TAFA4: variants seen among roughly 807,000 people sequenced by gnomAD.
TAFA4 encodes the protein TAFA chemokine like family member 4.
Under a neutral mutation model 21.1 loss-of-function variants are expected in TAFA4, and 20 were observed. The observed-to-expected ratio is 0.95, with a 90% CI of 0.67 to 1.38. The LOEUF (loss-of-function observed/expected upper bound fraction) is 1.38. Among genes scored for constraint, TAFA4 ranks in the 40% most tolerant of loss-of-function variants. TAFA4 has a pLI of 0.00. For missense variants in TAFA4, 211 were observed against 180.9 expected, an observed-to-expected ratio of 1.17 and a Z score of -0.95; for synonymous variants, 71 against 67.4, an observed-to-expected ratio of 1.05 and a Z score of -0.26.
chr3:68,915,875 A>G (rs1028518428), intron 1 of TAFA4, among the ~76,000 whole-genome samples: 3 of 152,240 alleles, frequency 2.0e-5, no homozygotes, highest in African/African-American at 7.2e-5. Context: ...GAAGTGAAGA[A>G]AAATTTATAA....
chr3:68,858,296 A>G (rs575899958), intron 3 of TAFA4, among the ~76,000 whole-genome samples: 1 of 152,092 alleles, frequency 6.6e-6, no homozygotes, highest in Non-Finnish European at 1.5e-5. Context: ...GCTATGAAAA[A>G]CATCAAGAAC....
chr3:68,861,434 A>G (rs563346783), intron 3 of TAFA4, among the ~76,000 whole-genome samples: 2 of 152,052 alleles, frequency 1.3e-5, no homozygotes, highest in Non-Finnish European at 2.9e-5. Flanking sequence ...TTCGTTTTTT[A>G]ATCTTCTTTT....
chr3:68,822,774 T>C (rs1235409275), intron 3 of TAFA4, among the ~76,000 whole-genome samples: 2 of 152,190 alleles, frequency 1.3e-5, no homozygotes, highest in Admixed American at 1.3e-4. Context: ...GCCTGGCTGC[T>C]AAAATTCTTA....
At position 68,854,609 on chromosome 3, in the gene TAFA4, T is replaced by A. The variant is rs1400318476; in HGVS notation, c.130+26121A>T. ...AAGAACAAATATATGGTTAAAGCCTTACCAATTGGATGAGTGGCCTTAGCC... is the reference window on the plus strand; with the variant it reads ...AAGAACAAATATATGGTTAAAGCCTAACCAATTGGATGAGTGGCCTTAGCC... On this transcript the variant is annotated intron_variant, in intron 3 of 5. Coordinates refer to ENST00000295569, the MANE Select transcript of TAFA4 (RefSeq NM_182522.5). Among the ~76,000 whole-genome samples the A allele has an allele frequency of 2.0e-5, 3 of 152,122 alleles. No homozygotes were observed. The East Asian group carries it at 5.8e-4, about 29-fold the overall frequency.
intron 1 of TAFA4, among the ~76,000 whole-genome samples, chr3:68,886,407 TTTA>T (rs1292180351): frequency 5.9e-5 from 9 of 152,224 alleles, no homozygotes; most frequent in Admixed American, 5.9e-4. Flanking sequence ...ATCCTCCAAC[TTTA>T]TTAAGTGTGT....
intron 1 of TAFA4, among the ~76,000 whole-genome samples, chr3:68,910,904 T>G (rs1262145722): frequency 6.6e-6 from 1 of 152,250 alleles, no homozygotes; most frequent in African/African-American, 2.4e-5. Flanking sequence ...CAATGCTTGG[T>G]ACTTAATTAA....
intron 3 of TAFA4, among the ~76,000 whole-genome samples, chr3:68,853,422 A>G (rs1704995620): frequency 6.6e-6 from 1 of 152,102 alleles, no homozygotes; most frequent in Admixed American, 6.6e-5. Context: ...TTTCCCCGAA[A>G]TGCCTACCTT....
chr3:68,855,069 A>T (rs1205636702), intron 3 of TAFA4, among the ~76,000 whole-genome samples: 1 of 152,186 alleles, frequency 6.6e-6, no homozygotes, highest in African/African-American at 2.4e-5. Context: ...ATAAGTAACA[A>T]ATGACTGTAT....
intron 4 of TAFA4, among the ~76,000 whole-genome samples, chr3:68,748,743 CAAA>C (rs780362480): frequency 5.0e-5 from 3 of 60,018 alleles, no homozygotes; most frequent in Non-Finnish European, 3.6e-5. Context: ...GACTCCGTCT[CAAA>C]AAAAAAAAAA....
intron 1 of TAFA4, among the ~76,000 whole-genome samples, chr3:68,899,319 A>T (rs1039861328): frequency 2.0e-5 from 3 of 152,196 alleles, no homozygotes; most frequent in African/African-American, 7.2e-5. Flanking sequence ...TAAATAAAAT[A>T]TAATATGAAA....
chr3:68,913,199 T>C (rs1016246040), intron 1 of TAFA4, among the ~76,000 whole-genome samples: 1 of 152,252 alleles, frequency 6.6e-6, no homozygotes, highest in African/African-American at 2.4e-5. Context: ...GTCAAAACAC[T>C]GTGCTGTGTG....
At chr3:68,828,152 T>C (rs1315790509) in intron 3 of TAFA4, among the ~76,000 whole-genome samples, 1 of 152,206 alleles carries the variant, frequency 6.6e-6, no homozygotes, top group Non-Finnish European at 1.5e-5. Flanking sequence ...CCATTTCTTG[T>C]TTTTTGTCAG....
intron 1 of TAFA4, among the ~76,000 whole-genome samples, chr3:68,895,057 G>A (rs928249293): frequency 3.3e-5 from 5 of 151,746 alleles, no homozygotes; most frequent in East Asian, 1.9e-4. Flanking sequence ...TCACTCTATC[G>A]CCCAGGCTCG....
intron 3 of TAFA4, among the ~76,000 whole-genome samples, chr3:68,849,180 T>G (rs1440376731): frequency 1.3e-5 from 2 of 152,230 alleles, no homozygotes; most frequent in Non-Finnish European, 2.9e-5. Context: ...TTAAACTCTT[T>G]TTGTCCAGTA....
At chr3:68,784,530 G>T (rs1813869) in intron 3 of TAFA4, among the ~76,000 whole-genome samples, 10 of 151,820 alleles carry the variant, frequency 6.6e-5, no homozygotes, top group African/African-American at 2.4e-4. Flanking sequence ...GGAGTTCTTC[G>T]TTCCTCCCAG....
intron 2 of TAFA4, among the ~76,000 whole-genome samples, chr3:68,881,578 G>A (rs895314973): frequency 6.6e-6 from 1 of 152,246 alleles, no homozygotes; most frequent in Non-Finnish European, 1.5e-5. Context: ...GATAGAACTC[G>A]ATTAACTTTT....
chr3:68,739,300 G>T, intron 4 of TAFA4, 101 bp from the exon 5 acceptor site: 1 of 1,374,276 alleles, frequency 7.3e-7, no homozygotes, highest in South Asian at 1.4e-5. Flanking sequence ...TTCAAAGATT[G>T]CTATTAAATT....
intron 3 of TAFA4, among the ~76,000 whole-genome samples, chr3:68,767,641 A>G (rs1702880485): frequency 6.6e-6 from 1 of 152,146 alleles, no homozygotes; most frequent in South Asian, 2.1e-4. Flanking sequence ...GGGACACAGA[A>G]AGATGAGGGA....
At chr3:68,804,798 T>C (rs1243410116) in intron 3 of TAFA4, among the ~76,000 whole-genome samples, 1 of 152,210 alleles carries the variant, frequency 6.6e-6, no homozygotes, top group Non-Finnish European at 1.5e-5. Context: ...ATACAAAAAT[T>C]AATTCAAGAT....
Sources: allele counts gnomAD v4.1 joint callset (sites outside exome capture counted in the v4.1 genomes callset), GRCh38; gene constraint gnomAD v4.1.1; transcripts MANE v1.5; gene names NCBI Gene and HGNC (gene_info 2026-07-23, HGNC 2026-07-21).